Variants in VTI1A observed in about 807,000 individuals in gnomAD.
VTI1A encodes vesicle transport through interaction with t-SNAREs homolog 1A.
A neutral mutation model predicts 34.9 loss-of-function variants in VTI1A; 22 were observed. The observed-to-expected ratio is 0.63, with a 90% CI of 0.45 to 0.90. The LOEUF is 0.90. Among genes scored for constraint, VTI1A ranks in the 40% least tolerant of loss-of-function variants. The pLI, the probability that VTI1A is intolerant of heterozygous loss-of-function variation, is 0.00. For synonymous variants in VTI1A, 87 were observed against 97.3 expected (o/e 0.89, Z 0.62); for missense variants, 268 against 275.6 (o/e 0.97, Z 0.20).
At chr10:112,588,599 G>A (rs1488339450) in intron 5 of VTI1A, among the ~76,000 whole-genome samples, 1 of 152,150 alleles carries the variant, frequency 6.6e-6, no homozygotes, top group Non-Finnish European at 1.5e-5. Flanking sequence ...GAAGGACGAG[G>A]CTATGTTTCA....
At chr10:112,646,035 T>G (rs1846770028) in intron 5 of VTI1A, among the ~76,000 whole-genome samples, 1 of 151,388 alleles carries the variant, frequency 6.6e-6, no homozygotes, top group Non-Finnish European at 1.5e-5. Context: ...TATCATCCAT[T>G]TTTATTTATG....
the VTI1A span, among the ~76,000 whole-genome samples, chr10:112,851,715 T>C: frequency 1.3e-5 from 2 of 152,198 alleles, no homozygotes; most frequent in Admixed American, 1.3e-4. Context: ...ATACAGGGGC[T>C]TCTGAACTGA....
At chr10:112,649,374 T>C (rs1404352749) in intron 5 of VTI1A, among the ~76,000 whole-genome samples, 1 of 152,220 alleles carries the variant, frequency 6.6e-6, no homozygotes, top group African/African-American at 2.4e-5. Context: ...TCTTAAAAAC[T>C]GAATTGGTAC....
chr10:112,751,583 T>G (rs931710208), intron 7 of VTI1A, among the ~76,000 whole-genome samples: 1 of 150,832 alleles, frequency 6.6e-6, no homozygotes, highest in Non-Finnish European at 1.5e-5. Context: ...ATTTAAAATA[T>G]CATCCATTTC....
chr10:112,758,592 G>A (rs766677977), intron 7 of VTI1A, among the ~76,000 whole-genome samples: 2 of 152,242 alleles, frequency 1.3e-5, no homozygotes, highest in Non-Finnish European at 2.9e-5. Context: ...GCTGGCACTC[G>A]GTATTCAAGA....
chr10:112,492,060 G>A (rs761482060), intron 3 of VTI1A, among the ~76,000 whole-genome samples: 1 of 152,170 alleles, frequency 6.6e-6, no homozygotes, highest in Non-Finnish European at 1.5e-5. Flanking sequence ...TGATTCCAAT[G>A]TTCGATCAAG....
chr10:112,592,813 T>G (rs1844442823), intron 5 of VTI1A, among the ~76,000 whole-genome samples: 1 of 152,226 alleles, frequency 6.6e-6, no homozygotes, highest in South Asian at 2.1e-4. Flanking sequence ...AATGGATCTT[T>G]CAGTCCACAG....
At chr10:112,508,644 C>T (rs1411363339) in intron 3 of VTI1A, among the ~76,000 whole-genome samples, 1 of 151,912 alleles carries the variant, frequency 6.6e-6, no homozygotes, top group African/African-American at 2.4e-5. Context: ...GGTTAGACAC[C>T]CTTTCTGCAC....
chr10:112,817,587 G>T lies in VTI1A; in HGVS notation c.*2204G>T, dbSNP rs1853561414. 8.7e-6 allele frequency: 2 copies of T among 229,270 alleles called. No homozygotes were observed. The highest frequency in any genetic ancestry group is 4.4e-5 in the African/African-American group (2 of 45,098). The allele number at this position is 229,270 out of a possible 1,614,324, so 14.2% of individuals were successfully genotyped here. A position where few individuals can be genotyped will look rare whatever the true frequency, so the allele number is the denominator to read the frequency against. The stretch of plus-strand genomic sequence containing the variant: ...GAGAGCAACTACCTAGGCCAGGCTA[G>T]TGAGTGCTTTGTGAGGAAGCTGGTC... On this transcript the variant is annotated 3_prime_UTR_variant, in exon 8 of 8. Transcript: ENST00000393077.
At chr10:112,486,561 G>A (rs1848634304) in intron 3 of VTI1A, among the ~76,000 whole-genome samples, 1 of 137,264 alleles carries the variant, frequency 7.3e-6, no homozygotes, top group Non-Finnish European at 1.6e-5. Flanking sequence ...ACTAGCCTTG[G>A]AAATCTGAGT....
In VTI1A at chr10:112,815,332, C is replaced by T. The variant is rs1459186288; in HGVS notation, c.603C>T (p.Ile201=). ...TCCTGCTCGTCATCCTAGGGATCAT[C>T]GTGGTCATCACCATCCTGATGGCGA... The part of the protein sequence containing the change: ...NRILLVILGI[I]VVITILMAIT... Residue 201 remains isoleucine (I), a synonymous_variant, in exon 8 of 8, where the codon ATC becomes ATT. Coordinates refer to ENST00000393077, the MANE Select transcript of VTI1A (RefSeq NM_145206.4). The T allele has an allele frequency of 2.5e-6, 4 of 1,613,970 alleles. No individual in the cohort carries two copies. Among genetic ancestry groups the T allele is most frequent in the East Asian group, 2.2e-5 (1 of 44,886 alleles).
At chr10:112,758,072 A>T (rs191690720) in intron 7 of VTI1A, among the ~76,000 whole-genome samples, 81 of 152,340 alleles carry the variant, frequency 5.3e-4, no homozygotes, top group African/African-American at 1.9e-3. Flanking sequence ...ATATTTGCAA[A>T]TAGCAGTTAT....
Position 112,481,451 on chromosome 10 carries a change from T to C in VTI1A, c.264+16794T>C, listed in dbSNP as rs57263612. On this transcript the variant is annotated intron_variant, in intron 3 of 7. Transcript: ENST00000393077. Reference sequence around the variant, plus strand: ...AGCCAATGCCAATGGAATGTCTTCATATGAAGTTTTGTTTTCAAATTTGCA... The same window carrying C: ...AGCCAATGCCAATGGAATGTCTTCACATGAAGTTTTGTTTTCAAATTTGCA... Among the ~76,000 whole-genome samples the C allele has an allele frequency of 8.6e-3, 1,308 of 152,348 alleles. 13 individuals carry two copies. The highest frequency in any genetic ancestry group is 0.029 in the African/African-American group (1,209 of 41,576).
downstream of VTI1A, among the ~76,000 whole-genome samples, chr10:112,822,232 G>C (rs1853667041): frequency 1.3e-5 from 2 of 152,094 alleles, no homozygotes; most frequent in Non-Finnish European, 1.5e-5. Flanking sequence ...CTTCAGCCTT[G>C]CCTTAAAACC....
At chr10:112,483,035 G>A (rs1032334369) in intron 3 of VTI1A, among the ~76,000 whole-genome samples, 1 of 151,942 alleles carries the variant, frequency 6.6e-6, no homozygotes, top group East Asian at 2.0e-4. Context: ...GAAAATAAAA[G>A]CCTAAGAGAT....
At chr10:112,714,891 C>G (rs762185430) in intron 7 of VTI1A, among the ~76,000 whole-genome samples, 6 of 152,230 alleles carry the variant, frequency 3.9e-5, no homozygotes, top group Non-Finnish European at 7.3e-5. Context: ...CCAACCTTTT[C>G]AATCTTCCAT....
At chr10:112,840,135 A>G in the VTI1A span, among the ~76,000 whole-genome samples, 36 of 150,066 alleles carry the variant, frequency 2.4e-4, no homozygotes, top group African/African-American at 8.4e-4. Context: ...CCAGGAAGCC[A>G]GCTGGAATGA....
intron 5 of VTI1A, among the ~76,000 whole-genome samples, chr10:112,665,243 C>T (rs1462404280): frequency 6.6e-6 from 1 of 151,414 alleles, no homozygotes; most frequent in Non-Finnish European, 1.5e-5. Context: ...TAAAAAATCC[C>T]CTCTAATTTG....
At chr10:112,456,418 T>C (rs1167711479) in intron 1 of VTI1A, among the ~76,000 whole-genome samples, 1 of 58,626 alleles carries the variant, frequency 1.7e-5, no homozygotes, top group Admixed American at 1.8e-4. Flanking sequence ...TGAGAGTCCA[T>C]CTCAAAAAAA....
Sources: allele counts gnomAD v4.1 joint callset (sites outside exome capture counted in the v4.1 genomes callset), GRCh38; gene constraint gnomAD v4.1.1; transcripts MANE v1.5; gene names NCBI Gene and HGNC (gene_info 2026-07-23, HGNC 2026-07-21).